HS3ST5: variants seen among roughly 807,000 people sequenced by gnomAD.
HS3ST5 encodes the protein heparan sulfate-glucosamine 3-sulfotransferase 5, also known as heparan sulfate glucosamine 3-O-sulfotransferase 5.
In HS3ST5, 10 loss-of-function variants were observed where a neutral mutation model predicts 25.4. The ratio of observed to expected loss-of-function variants is 0.39; its 90% CI spans 0.24 to 0.67. The LOEUF (loss-of-function observed/expected upper bound fraction) is 0.67, where lower values mean the gene tolerates loss of function less well. Among genes scored for constraint, HS3ST5 ranks in the 30% least tolerant of loss-of-function variants. The pLI, the probability that HS3ST5 is intolerant of heterozygous loss-of-function variation, is 0.44. For missense variants in HS3ST5, 324 were observed against 420.7 expected (o/e 0.77, Z 2.01); for synonymous variants, 170 against 162.4 (o/e 1.05, Z -0.36).
intron 1 of HS3ST5, among the ~76,000 whole-genome samples, chr6:114,328,410 A>G (rs1297811108): frequency 6.6e-6 from 1 of 152,150 alleles, no homozygotes; most frequent in Non-Finnish European, 1.5e-5. Context: ...AAACACAAAA[A>G]CACTGACACA....
At chr6:114,161,320 C>T (rs1295669131) in intron 3 of HS3ST5, among the ~76,000 whole-genome samples, 1 of 150,750 alleles carries the variant, frequency 6.6e-6, no homozygotes, top group African/African-American at 2.4e-5. Context: ...AACATTCCTC[C>T]TTAGGAAACA....
At chr6:114,138,054 C>A (rs1013087815) in intron 3 of HS3ST5, among the ~76,000 whole-genome samples, 1 of 151,888 alleles carries the variant, frequency 6.6e-6, no homozygotes, top group African/African-American at 2.4e-5. Context: ...AAAAAGGAGG[C>A]TCTGAGAGTT....
chr6:114,273,871 G>C (rs1773735978), intron 1 of HS3ST5, among the ~76,000 whole-genome samples: 1 of 151,992 alleles, frequency 6.6e-6, no homozygotes, highest in Admixed American at 6.6e-5. Context: ...CCTCACAGCT[G>C]TTTAGAAAAG....
intron 3 of HS3ST5, among the ~76,000 whole-genome samples, chr6:114,147,233 T>C (rs74960450): frequency 6.6e-6 from 1 of 152,150 alleles, no homozygotes; most frequent in East Asian, 1.9e-4. Flanking sequence ...TGAAAACACA[T>C]AGTTATTTGG....
rs532319771 is a variant in HS3ST5, at chr6:114,275,118, T to C, written c.-338-46340A>G. 1.4e-3 allele frequency among the ~76,000 whole-genome samples: 212 copies of C among 152,074 alleles called. 1 individual carries two copies. Among genetic ancestry groups the C allele is most frequent in the African/African-American group, 5.0e-3 (209 of 41,498 alleles). On this transcript the variant is annotated intron_variant, in intron 1 of 4. Coordinates refer to ENST00000312719, the MANE Select transcript of HS3ST5 (RefSeq NM_153612.4). ...GCTTTCTAAGTTTCATAATACTTTA[T>C]CTACAATTCTTTATGACTCAATATT...
chr6:114,308,203 A>T (rs1775377029), intron 1 of HS3ST5, among the ~76,000 whole-genome samples: 2 of 152,176 alleles, frequency 1.3e-5, no homozygotes, highest in South Asian at 4.1e-4. Flanking sequence ...AATTTTAAAA[A>T]ATTATCTCTG....
At chr6:114,174,330 G>A (rs13212994) in intron 2 of HS3ST5, among the ~76,000 whole-genome samples, 6,470 of 152,050 alleles carry the variant, frequency 0.043, 211 homozygotes, top group Non-Finnish European at 0.065. Context: ...CTATCACAGA[G>A]TGATGCAATT....
At chr6:114,233,243 T>C (rs74808724) in intron 1 of HS3ST5, among the ~76,000 whole-genome samples, 4,149 of 152,278 alleles carry the variant, frequency 0.027, 187 homozygotes, top group African/African-American at 0.09. Context: ...ATAAGTATAT[T>C]GAAGATAAGG....
intron 1 of HS3ST5, chr6:114,230,415 A>G (rs1234082801): frequency 1.3e-5 from 2 of 152,068 alleles, no homozygotes; most frequent in African/African-American, 4.8e-5. Context: ...ATTCTTTTTT[A>G]CTGAACTATT....
rs969310093 is a variant in HS3ST5 at position 114,191,105 on chromosome 6, A to G, written c.-144-22643T>C. Among the ~76,000 whole-genome samples the G allele has an allele frequency of 1.8e-4, 27 of 152,316 alleles. 1 individual carries two copies. The highest frequency in any genetic ancestry group is 1.7e-3 in the Admixed American group (26 of 15,288). ...TAATGGTGGTCTAATAATATTAAGC[A>G]TAGAAAATATGGGACAAAGAAAAAC... On this transcript the variant is annotated intron_variant, in intron 2 of 4. Coordinates refer to ENST00000312719, the MANE Select transcript of HS3ST5 (RefSeq NM_153612.4).
intron 1 of HS3ST5, among the ~76,000 whole-genome samples, chr6:114,269,103 G>T (rs1247539596): frequency 2.0e-5 from 3 of 152,126 alleles, no homozygotes; most frequent in Non-Finnish European, 4.4e-5. Context: ...TCACATTTTT[G>T]AAAAGAAGTA....
At chr6:114,215,311 C>A (rs1781701912) in intron 2 of HS3ST5, among the ~76,000 whole-genome samples, 1 of 151,878 alleles carries the variant, frequency 6.6e-6, no homozygotes, top group African/African-American at 2.4e-5. Context: ...GTCTCAAAAA[C>A]AAACAAACAA....
intron 2 of HS3ST5, among the ~76,000 whole-genome samples, chr6:114,175,081 C>T (rs1261215415): frequency 6.6e-6 from 1 of 152,144 alleles, no homozygotes; most frequent in Non-Finnish European, 1.5e-5. Flanking sequence ...GTTTAAGATA[C>T]AGACTTCTAA....
At chr6:114,135,952 C>G (rs1377120445) in intron 3 of HS3ST5, among the ~76,000 whole-genome samples, 1 of 152,194 alleles carries the variant, frequency 6.6e-6, no homozygotes, top group Non-Finnish European at 1.5e-5. Flanking sequence ...TTTCAACAAT[C>G]CACATGTTAG....
At chr6:114,224,763 T>G (rs1782211655) in intron 2 of HS3ST5, among the ~76,000 whole-genome samples, 1 of 151,380 alleles carries the variant, frequency 6.6e-6, no homozygotes, top group South Asian at 2.1e-4. Flanking sequence ...TTGTTAGTTG[T>G]TTTAGTTTTA....
intron 2 of HS3ST5, among the ~76,000 whole-genome samples, chr6:114,186,916 A>T (rs974659512): frequency 2.0e-5 from 3 of 152,222 alleles, no homozygotes; most frequent in Non-Finnish European, 2.9e-5. Context: ...CTTGAGAATT[A>T]TGCCAAATCT....
chr6:114,205,067 A>G (rs1323277570), intron 2 of HS3ST5, among the ~76,000 whole-genome samples: 1 of 152,134 alleles, frequency 6.6e-6, no homozygotes, highest in Non-Finnish European at 1.5e-5. Context: ...ACAACACCCA[A>G]TTCTACAGTT....
chr6:114,095,809 A>C (rs1775394355), intron 3 of HS3ST5, among the ~76,000 whole-genome samples: 1 of 152,138 alleles, frequency 6.6e-6, no homozygotes, highest in South Asian at 2.1e-4. Flanking sequence ...AGTATTTAGG[A>C]TAAATTAAAA....
At chr6:114,168,690 T>C (rs965755580) in intron 2 of HS3ST5, among the ~76,000 whole-genome samples, 3 of 152,170 alleles carry the variant, frequency 2.0e-5, no homozygotes, top group Non-Finnish European at 4.4e-5. Flanking sequence ...CCCTGGAATA[T>C]GTAATTGTTA....
Sources: allele counts gnomAD v4.1 joint callset (sites outside exome capture counted in the v4.1 genomes callset), GRCh38; gene constraint gnomAD v4.1.1; transcripts MANE v1.5; gene names NCBI Gene and HGNC (gene_info 2026-07-23, HGNC 2026-07-21).